The following SLC45A4 variants were observed in gnomAD, a reference collection of about 807,000 sequenced individuals.
The protein encoded by SLC45A4 is polyamine-transporter SLC45A4.
SLC45A4 carries 32 observed loss-of-function variants against 63.7 expected under a neutral mutation model. That is an observed-to-expected ratio of 0.50 (90% CI 0.38 to 0.67). SLC45A4 has a LOEUF of 0.67. SLC45A4 is among the 30% of genes least tolerant of loss of function. The pLI is 0.00. For missense variants in SLC45A4, 1,027 were observed against 1,157.7 expected, an observed-to-expected ratio of 0.89 and a Z score of 1.64; for synonymous variants, 535 against 510.0, an observed-to-expected ratio of 1.05 and a Z score of -0.66.
rs10573168 is a variant in SLC45A4 at position 141,269,464 on chromosome 8, C to CTG, written c.-400-14837_-400-14836dup. ...TGTGTGTCGATGTCTGCCTATGTGT[C>CTG]TGTGTGTGTGTGTGTGTGTGTGTGT... is the stretch of plus-strand genomic sequence containing the variant. On this transcript the variant is annotated intron_variant, in intron 1 of 8. Transcript: ENST00000517878. 8.1e-3 allele frequency among the ~76,000 whole-genome samples: 1,186 copies of CTG among 147,276 alleles called. 7 individuals are homozygous for CTG. The highest frequency in any genetic ancestry group is 0.01 in the South Asian group (47 of 4,670).
chr8:141,233,730 A>G (rs1015266062), intron 2 of SLC45A4, among the ~76,000 whole-genome samples: 1 of 152,130 alleles, frequency 6.6e-6, no homozygotes, highest in Admixed American at 6.5e-5. Flanking sequence ...ACCCTCTAAC[A>G]ATATCTCCCT....
intron 2 of SLC45A4, among the ~76,000 whole-genome samples, chr8:141,241,778 C>A (rs548291089): frequency 9.5e-4 from 145 of 152,136 alleles, no homozygotes; most frequent in African/African-American, 3.3e-3. Context: ...GCCCAGCAAT[C>A]CCCCCAGCAC....
chr8:141,271,322 G>A (rs1829512594), intron 1 of SLC45A4, among the ~76,000 whole-genome samples: 1 of 152,206 alleles, frequency 6.6e-6, no homozygotes, highest in Non-Finnish European at 1.5e-5. Context: ...GGGCTCTCCT[G>A]GCTGGCACCA....
At position 141,256,495 on chromosome 8, in the gene SLC45A4, C is replaced by T. The variant is rs1430383027; in HGVS notation, c.-400-1866G>A. 2.2e-6 allele frequency: 1 copy of T among 455,972 alleles called. No individual in the cohort carries two copies. Among genetic ancestry groups the T allele is most frequent in the East Asian group, 6.9e-5 (1 of 14,394 alleles). 28.2% of individuals were successfully genotyped at this position (455,972 alleles called of 1,614,324 possible). On this transcript the variant is annotated intron_variant, in intron 1 of 8. Coordinates refer to ENST00000517878, the MANE Select transcript of SLC45A4 (RefSeq NM_001286646.2). This position sits in a 1 kb window ranked among gnomAD's most constrained non-coding sequence, Gnocchi z 4.3. The stretch of plus-strand genomic sequence containing the variant: ...TCACTCGGCTCCTCTCTCACACAGC[C>T]CTGATGGAGAAGGTGGGTCCCTGGC...
intron 2 of SLC45A4, chr8:141,228,448 T>A: frequency 7.2e-7 from 1 of 1,395,320 alleles, no homozygotes; most frequent in South Asian, 1.5e-5. Flanking sequence ...TGCTGTCCTG[T>A]CTCAGGGCCG....
intron 2 of SLC45A4, among the ~76,000 whole-genome samples, chr8:141,239,248 A>C (rs1362086682): frequency 6.6e-6 from 1 of 152,236 alleles, no homozygotes; most frequent in African/African-American, 2.4e-5. Context: ...TTTTCAAAAC[A>C]GGAAGACAAA....
At chr8:141,275,169 G>A (rs1241022929) in intron 1 of SLC45A4, among the ~76,000 whole-genome samples, 1 of 152,178 alleles carries the variant, frequency 6.6e-6, no homozygotes. Flanking sequence ...CATTTTCTGT[G>A]ACGAGGAAAG....
chr8:141,254,082 G>A lies in SLC45A4; in HGVS notation c.148C>T (p.Arg50Cys), dbSNP rs1446172080. ...ACCGCCCCGTGCATCACCCACAGGC[G>A]CATGGGGATTCGGTCTATGGACCCC... ...SEGSIDRIPMRLWVMHGAVMF... is the reference protein window; with the variant it reads ...SEGSIDRIPMCLWVMHGAVMF... Residue 50 changes from arginine (R) to cysteine (C), a missense_variant, in exon 2 of 9, where the codon CGC becomes TGC. Arg to Cys is a radical substitution (Grantham distance 180). Transcript: ENST00000517878. The surrounding 1 kb of genome is among the most constrained non-coding windows in gnomAD (Gnocchi z 4.5). 1.7e-5 allele frequency: 26 copies of A among 1,536,164 alleles called. No homozygotes were observed. Among genetic ancestry groups the A allele is most frequent in the Middle Eastern group, 1.7e-4 (1 of 5,990 alleles).
At chr8:141,303,885 G>A (rs1830821726) in intron 1 of SLC45A4, among the ~76,000 whole-genome samples, 1 of 152,214 alleles carries the variant, frequency 6.6e-6, no homozygotes, top group Non-Finnish European at 1.5e-5. Context: ...AGAGGTGGGA[G>A]GGTGAGATGG....
intron 1 of SLC45A4, among the ~76,000 whole-genome samples, chr8:141,303,804 A>C (rs550645264): frequency 6.6e-6 from 1 of 152,328 alleles, no homozygotes; most frequent in African/African-American, 2.4e-5. Context: ...ATCCTTCAAC[A>C]GGTTTAGGAG....
intron 1 of SLC45A4, among the ~76,000 whole-genome samples, chr8:141,272,566 C>CG (rs1367677372): frequency 6.6e-6 from 1 of 152,216 alleles, no homozygotes; most frequent in Non-Finnish European, 1.5e-5. Context: ...CCTCACCTCA[C>CG]GGAGTCCTGC....
Position 141,281,529 on chromosome 8 carries a change from C to T in SLC45A4, c.-401+26567G>A, listed in dbSNP as rs371278560. Reference sequence around the variant, plus strand: ...GGTTGCTAATGGCCTTAAAGCTCCGCGGCAGCACGTGGCCCCTCGACTGCT... The same window carrying T: ...GGTTGCTAATGGCCTTAAAGCTCCGTGGCAGCACGTGGCCCCTCGACTGCT... On this transcript the variant is annotated intron_variant, in intron 1 of 8. Coordinates refer to ENST00000517878, the MANE Select transcript of SLC45A4 (RefSeq NM_001286646.2). Among the ~76,000 whole-genome samples the T allele has an allele frequency of 1.5e-4, 23 of 152,330 alleles. No homozygotes were observed. In the East Asian group the frequency reaches 2.5e-3, roughly 17 times the overall value.
intron 1 of SLC45A4, among the ~76,000 whole-genome samples, chr8:141,262,621 T>C (rs1829084959): frequency 1.3e-5 from 2 of 150,590 alleles, no homozygotes; most frequent in African/African-American, 4.8e-5. Flanking sequence ...AAAATGCTCA[T>C]CATCACTGGC....
chr8:141,266,009 G>A (rs1430675394), intron 1 of SLC45A4, among the ~76,000 whole-genome samples: 1 of 152,172 alleles, frequency 6.6e-6, no homozygotes, highest in Non-Finnish European at 1.5e-5. Flanking sequence ...TTTGCTGAGT[G>A]GAAAAGCTGG....
At position 141,207,931 on chromosome 8, in the gene SLC45A4, C is replaced by G. The variant is rs1487071742; in HGVS notation, c.*3641G>C. The stretch of plus-strand genomic sequence containing the variant: ...CCAGGTGGTGAAGGGCAGAACCCCC[C>G]CAGGAGCTCTCGGAAGCAGGGGTCC... On this transcript the variant is annotated 3_prime_UTR_variant, in exon 9 of 9. Transcript: ENST00000517878. 1 of 152,358 alleles carries G rather than the reference C, an allele frequency of 6.6e-6. No homozygotes were observed. The highest frequency in any genetic ancestry group is 2.1e-4 in the South Asian group (1 of 4,842). The allele number at this position is 152,358 out of a possible 1,614,324, so 9.4% of individuals were successfully genotyped here. A position where few individuals can be genotyped will look rare whatever the true frequency, so the allele number is the denominator to read the frequency against.
At chr8:141,253,449 C>T (rs1271526544) in intron 2 of SLC45A4, among the ~76,000 whole-genome samples, 1 of 152,258 alleles carries the variant, frequency 6.6e-6, no homozygotes, top group Admixed American at 6.5e-5. Context: ...TTCAAGTCAA[C>T]AGCAACAATG....
intron 2 of SLC45A4, chr8:141,252,563 A>ATG (rs1828524399): frequency 8.3e-6 from 1 of 120,800 alleles, no homozygotes; most frequent in Admixed American, 8.6e-5. Context: ...CCGTGTTTTC[A>ATG]CGCCCACCTG....
chr8:141,230,980 G>T (rs1014662780), intron 2 of SLC45A4, among the ~76,000 whole-genome samples: 1 of 151,772 alleles, frequency 6.6e-6, no homozygotes, highest in Non-Finnish European at 1.5e-5. Context: ...CGGCAACAGC[G>T]TGTGACACCC....
At chr8:141,257,241 C>T (rs1056259279) in intron 1 of SLC45A4, among the ~76,000 whole-genome samples, 2 of 152,186 alleles carry the variant, frequency 1.3e-5, no homozygotes, top group African/African-American at 2.4e-5. Context: ...ATTCTTGTTC[C>T]GCCCCCACCT....
Sources: allele counts gnomAD v4.1 joint callset (sites outside exome capture counted in the v4.1 genomes callset), GRCh38; gene constraint gnomAD v4.1.1; non-coding constraint Gnocchi (gnomAD v3.1); transcripts MANE v1.5; gene names NCBI Gene and HGNC (gene_info 2026-07-23, HGNC 2026-07-21).